Variants in HACE1 observed in about 807,000 individuals in gnomAD.
HACE1 encodes HECT domain and ankyrin repeat containing E3 ubiquitin protein ligase 1, also known as E3 ubiquitin-protein ligase HACE1.
Under a neutral mutation model 118.4 loss-of-function variants are expected in HACE1, and 73 were observed. The ratio of observed to expected loss-of-function variants is 0.62; its 90% CI spans 0.51 to 0.75. The LOEUF (loss-of-function observed/expected upper bound fraction) is 0.75. Ranked by LOEUF, HACE1 falls within the 30% of genes least tolerant of loss-of-function variation. HACE1 has a pLI of 0.00. For missense variants in HACE1, 749 were observed against 1,102.2 expected (o/e 0.68, Z 4.54); for synonymous variants, 368 against 374.8 (o/e 0.98, Z 0.21).
At chr6:104,809,305 T>C (rs1279092515) in intron 7 of HACE1, among the ~76,000 whole-genome samples, 1 of 152,192 alleles carries the variant, frequency 6.6e-6, no homozygotes. Context: ...ATGACTGTGA[T>C]ACTGCGATCA....
chr6:104,743,598 C>G lies in HACE1; in HGVS notation c.2513+562G>C, dbSNP rs374474667. On this transcript the variant is annotated intron_variant, in intron 22 of 23. Coordinates refer to ENST00000262903, the MANE Select transcript of HACE1 (RefSeq NM_020771.4). ...TTTTTACATCTTTCAGAAATACAAGCTAAAAGATGGTTAAATCATCTAGTT... is the reference window on the plus strand; with the variant it reads ...TTTTTACATCTTTCAGAAATACAAGGTAAAAGATGGTTAAATCATCTAGTT... Among the ~76,000 whole-genome samples the G allele has an allele frequency of 4.6e-5, 7 of 151,766 alleles. No homozygotes were observed. In the East Asian group the frequency reaches 7.7e-4, roughly 17 times the overall value.
rs1350994199 is a variant in HACE1, at chr6:104,776,878, GAAATTTTTTTCT to G, written c.1777-62_1777-51del. ...CATCAACAGAAATATGTTATATTGG[GAAATTTTTTTCT>G]AAATAACAAAATTTAAATATAAAGT... On this transcript the variant is annotated intron_variant, in intron 16 of 23. Coordinates refer to ENST00000262903, the MANE Select transcript of HACE1 (RefSeq NM_020771.4). 4.2e-6 allele frequency: 6 copies of G among 1,420,082 alleles called. No homozygotes were observed. The African/African-American group carries it at 8.5e-5, about 20-fold the overall frequency. 88.0% of individuals were successfully genotyped at this position (1,420,082 alleles called of 1,614,324 possible).
chr6:104,756,979 C>A (rs752022515), intron 19 of HACE1, among the ~76,000 whole-genome samples: 3 of 152,136 alleles, frequency 2.0e-5, no homozygotes, highest in Admixed American at 6.6e-5. Flanking sequence ...GGTCGCTGGA[C>A]CTTGGCGGGG....
chr6:104,748,381 A>G (rs549776371), intron 20 of HACE1, among the ~76,000 whole-genome samples: 1 of 152,316 alleles, frequency 6.6e-6, no homozygotes, highest in African/African-American at 2.4e-5. Flanking sequence ...AATCTCAAGG[A>G]AAGACCACTA....
chr6:104,775,072 T>C (rs1276333023), intron 17 of HACE1, among the ~76,000 whole-genome samples: 2 of 152,340 alleles, frequency 1.3e-5, no homozygotes, highest in East Asian at 3.9e-4. Context: ...CCAGACGTAG[T>C]AGCTTACACC....
chr6:104,816,778 G>A lies in HACE1; in HGVS notation c.535-5385C>T, dbSNP rs1239788030. Among the ~76,000 whole-genome samples the A allele has an allele frequency of 3.9e-5, 6 of 152,314 alleles. No homozygotes were observed. In the East Asian group the frequency reaches 1.2e-3, roughly 29 times the overall value. ...AAAAAGCCACACGTACTCAATGTCA[G>A]CCTGTGGAAGCAGTCTAGGGGGCTG... On this transcript the variant is annotated intron_variant, in intron 6 of 23. Transcript: ENST00000262903.
intron 2 of HACE1, 114 bp from the exon 3 acceptor site, chr6:104,851,110 A>C: frequency 1.4e-6 from 1 of 713,330 alleles, no homozygotes; most frequent in Admixed American, 1.9e-5. Context: ...TTGAGACAAG[A>C]GTCTTGCTCT....
chr6:104,796,793 C>T (rs1741322570), intron 8 of HACE1, 37 bp from the exon 9 acceptor site: 3 of 1,259,160 alleles, frequency 2.4e-6, no homozygotes, highest in African/African-American at 1.5e-5. Context: ...GGTTTAAAAA[C>T]AGTCCCTTTT....
intron 22 of HACE1, among the ~76,000 whole-genome samples, chr6:104,742,656 G>A (rs1025528264): frequency 1.3e-5 from 2 of 151,064 alleles, no homozygotes; most frequent in Admixed American, 6.6e-5. Context: ...AAAAAGTCAG[G>A]AAACAACAGG....
At chr6:104,837,864 G>A (rs964446379) in intron 5 of HACE1, among the ~76,000 whole-genome samples, 3 of 152,118 alleles carry the variant, frequency 2.0e-5, no homozygotes, top group African/African-American at 7.2e-5. Context: ...AAATAAGTAC[G>A]TTGCAAAATA....
intron 14 of HACE1, 127 bp from the exon 15 acceptor site, chr6:104,777,444 T>C (rs1335097471): frequency 1.4e-6 from 1 of 701,134 alleles, no homozygotes; most frequent in East Asian, 2.7e-5. Context: ...AATAAGGAGT[T>C]ACTGGATAAT....
chr6:104,777,385 C>A (rs1375066731), intron 14 of HACE1, 68 bp from the exon 15 acceptor site: 20 of 925,102 alleles, frequency 2.2e-5, no homozygotes, highest in Non-Finnish European at 3.6e-5. Flanking sequence ...GATTTACTAG[C>A]TTGCTAAATG....
chr6:104,830,234 A>T (rs1773722362), intron 6 of HACE1, among the ~76,000 whole-genome samples: 2 of 152,184 alleles, frequency 1.3e-5, no homozygotes, highest in African/African-American at 4.8e-5. Flanking sequence ...CTAATATGCA[A>T]TAGTGCCTTA....
intron 6 of HACE1, among the ~76,000 whole-genome samples, chr6:104,828,291 G>A (rs1261524230): frequency 6.6e-6 from 1 of 152,022 alleles, no homozygotes; most frequent in African/African-American, 2.4e-5. Flanking sequence ...TCTAGACACT[G>A]ATCTGTGTAC....
intron 1 of HACE1, among the ~76,000 whole-genome samples, chr6:104,855,964 A>C (rs1237263254): frequency 6.6e-6 from 1 of 152,192 alleles, no homozygotes; most frequent in Admixed American, 6.5e-5. Context: ...ATCTAACCTA[A>C]AGAAAAAAGT....
chr6:104,741,047 C>G (rs1194040478), intron 22 of HACE1, among the ~76,000 whole-genome samples: 2 of 130,440 alleles, frequency 1.5e-5, no homozygotes, highest in Non-Finnish European at 3.2e-5. Flanking sequence ...TAAACAGAAC[C>G]AAAGACAAAA....
chr6:104,792,709 G>C (rs762143711), intron 10 of HACE1, among the ~76,000 whole-genome samples: 1 of 152,132 alleles, frequency 6.6e-6, no homozygotes, highest in African/African-American at 2.4e-5. Flanking sequence ...CAGGATGCTG[G>C]CAAACTGAAA....
At chr6:104,803,963 C>A (rs1174677276) in intron 7 of HACE1, among the ~76,000 whole-genome samples, 1 of 152,162 alleles carries the variant, frequency 6.6e-6, no homozygotes, top group Non-Finnish European at 1.5e-5. Flanking sequence ...ATTTAGAAAA[C>A]CACATCGTCT....
At chr6:104,849,286 T>C (rs1172300052) in intron 3 of HACE1, 40 bp from the exon 4 acceptor site, 1 of 1,096,840 alleles carries the variant, frequency 9.1e-7, no homozygotes, top group East Asian at 2.4e-5. Context: ...ACATTCAACA[T>C]ACAGCCATAC....
Sources: allele counts gnomAD v4.1 joint callset (sites outside exome capture counted in the v4.1 genomes callset), GRCh38; gene constraint gnomAD v4.1.1; transcripts MANE v1.5; gene names NCBI Gene and HGNC (gene_info 2026-07-23, HGNC 2026-07-21).